Variants in RPS6KA2 observed in about 807,000 individuals in gnomAD.
The protein encoded by RPS6KA2 is ribosomal protein S6 kinase A2.
A neutral mutation model predicts 91.8 loss-of-function variants in RPS6KA2; 42 were observed. The observed-to-expected ratio is 0.46, with a 90% CI of 0.36 to 0.59. RPS6KA2 has a LOEUF of 0.59. Among genes scored for constraint, RPS6KA2 ranks in the 20% least tolerant of loss-of-function variants. RPS6KA2 has a pLI of 0.00. For synonymous variants in RPS6KA2, 414 were observed against 393.6 expected, an observed-to-expected ratio of 1.05 and a Z score of -0.61; for missense variants, 798 against 978.5, an observed-to-expected ratio of 0.82 and a Z score of 2.46.
intron 2 of RPS6KA2, among the ~76,000 whole-genome samples, chr6:166,690,591 G>C (rs1303229745): frequency 6.6e-6 from 1 of 152,148 alleles, no homozygotes; most frequent in Non-Finnish European, 1.5e-5. Context: ...CTGACACCTC[G>C]ATGCAGCTCC....
At chr6:166,468,856 T>TG (rs567161437) in intron 11 of RPS6KA2, among the ~76,000 whole-genome samples, 2 of 112,184 alleles carry the variant, frequency 1.8e-5, no homozygotes, top group African/African-American at 7.7e-5. Flanking sequence ...AGAGCGAGAC[T>TG]AAAAAAAAAA....
intron 2 of RPS6KA2, among the ~76,000 whole-genome samples, chr6:166,656,382 G>C (rs906530440): frequency 6.6e-6 from 1 of 152,186 alleles, no homozygotes; most frequent in African/African-American, 2.4e-5. Context: ...CAACCCAAAG[G>C]CGTCTTCCTC....
In RPS6KA2 at chr6:166,425,699, CAAAG is replaced by C. The variant is rs374711346; in HGVS notation, c.1582-2286_1582-2283del. ...TTAAACCAACAAAGATCAAAAGAGACAAAGAAGGCCATTACATAATGGTAAAGGG... is the reference window on the plus strand; with the variant it reads ...TTAAACCAACAAAGATCAAAAGAGACAAGGCCATTACATAATGGTAAAGGG... On this transcript the variant is annotated intron_variant, in intron 16 of 20. Coordinates refer to ENST00000265678, the MANE Select transcript of RPS6KA2 (RefSeq NM_021135.6). 7.9e-3 allele frequency among the ~76,000 whole-genome samples: 1,202 copies of C among 151,826 alleles called. 13 individuals carry two copies. The highest frequency in any genetic ancestry group is 0.028 in the African/African-American group (1,158 of 41,376).
At chr6:166,810,528 TA>T (rs554277610) in intron 2 of RPS6KA2, among the ~76,000 whole-genome samples, 5 of 151,150 alleles carry the variant, frequency 3.3e-5, no homozygotes, top group Non-Finnish European at 7.4e-5. Flanking sequence ...CACTTGAGGC[TA>T]AAAAAAAAGT....
At position 166,662,025 on chromosome 6, in the gene RPS6KA2, G is replaced by A. The variant is rs1236486264; in HGVS notation, c.124-123241C>T. On this transcript the variant is annotated intron_variant, in intron 2 of 21. Transcript: ENST00000503859. The surrounding 1 kb of genome is among the most constrained non-coding windows in gnomAD (Gnocchi z 4.3). ...TTCCTCGTTAACACAAATTCTTAAC[G>A]GGACTAGTGAGAATCCCTGCTTTGT... Among the ~76,000 whole-genome samples, 7 of 152,256 alleles carry A rather than the reference G, an allele frequency of 4.6e-5. 1 individual carries two copies. The highest frequency in any genetic ancestry group is 3.3e-4 in the Admixed American group (5 of 15,306).
chr6:166,697,600 C>A (rs1353080736), intron 2 of RPS6KA2, among the ~76,000 whole-genome samples: 2 of 152,180 alleles, frequency 1.3e-5, no homozygotes, highest in Non-Finnish European at 2.9e-5. Flanking sequence ...GATGGTAGAG[C>A]GAGAAGATGG....
rs1778242893 is a variant in RPS6KA2, at chr6:166,409,830, A to T, written c.*2932T>A. 2 of 152,642 alleles carry T rather than the reference A, an allele frequency of 1.3e-5. No individual in the cohort carries two copies. The highest frequency in any genetic ancestry group is 1.5e-5 in the Non-Finnish European group (1 of 68,048). The allele number at this position is 152,642 out of a possible 1,614,324, so 9.5% of individuals were successfully genotyped here. ...ATCCCAAGTGCAGCTTTAGGATAAC[A>T]CCATTTAATGAACAATACTGGATAA... On this transcript the variant is annotated 3_prime_UTR_variant, in exon 21 of 21. Transcript: ENST00000265678.
At chr6:166,601,615 G>A (rs1435349856) in intron 1 of RPS6KA2, among the ~76,000 whole-genome samples, 1 of 152,194 alleles carries the variant, frequency 6.6e-6, no homozygotes, top group African/African-American at 2.4e-5. Context: ...ATAGGGAATT[G>A]TGTGAATTCA....
intron 1 of RPS6KA2, among the ~76,000 whole-genome samples, chr6:166,564,681 G>A (rs762811422): frequency 6.6e-5 from 10 of 152,152 alleles, no homozygotes; most frequent in Non-Finnish European, 1.0e-4. Context: ...TCATTCAGAC[G>A]CTGTAAAAAC....
chr6:166,602,452 A>C (rs1785778208), intron 1 of RPS6KA2, among the ~76,000 whole-genome samples: 1 of 152,202 alleles, frequency 6.6e-6, no homozygotes, highest in Non-Finnish European at 1.5e-5. Context: ...GAAACACCAG[A>C]AGGAAACAAC....
chr6:166,504,369 C>T (rs1037488412), intron 6 of RPS6KA2, 137 bp downstream of exon 6: 4 of 572,836 alleles, frequency 7.0e-6, no homozygotes, highest in African/African-American at 5.8e-5. Flanking sequence ...CCTGCCGGCA[C>T]AAGAGTCTCC....
intron 1 of RPS6KA2, among the ~76,000 whole-genome samples, chr6:166,545,565 T>G (rs374982054): frequency 2.7e-4 from 41 of 152,134 alleles, no homozygotes; most frequent in African/African-American, 8.9e-4. Flanking sequence ...GGCATTTCTC[T>G]CCTTTTTTTT....
intron 1 of RPS6KA2, among the ~76,000 whole-genome samples, chr6:166,561,466 G>A (rs964031417): frequency 2.6e-5 from 4 of 151,808 alleles, no homozygotes; most frequent in Non-Finnish European, 4.4e-5. Context: ...ATGGTTCATC[G>A]TTGACTGCTG....
rs1780678446 is a variant in RPS6KA2 at position 166,849,328 on chromosome 6, C to T, written c.123+8872G>A. ...AGCACTCCCTGTCACCCTATTTCTG[C>T]ACAGTACTTACCCCCGTGTGAAACC... On this transcript the variant is annotated intron_variant, in intron 2 of 21. Transcript: ENST00000503859. The surrounding 1 kb of genome is among the most constrained non-coding windows in gnomAD (Gnocchi z 4.9). Among the ~76,000 whole-genome samples the T allele has an allele frequency of 6.6e-6, 1 of 152,190 alleles. No individual in the cohort carries two copies.
Position 166,411,200 on chromosome 6 carries a change from G to A in RPS6KA2, c.*1562C>T, listed in dbSNP as rs536827823. On this transcript the variant is annotated 3_prime_UTR_variant, in exon 21 of 21. Transcript: ENST00000265678. This position sits in a 1 kb window ranked among gnomAD's most constrained non-coding sequence, Gnocchi z 4.5. Reference sequence around the variant, plus strand: ...AAGCTAAGGAGTTATTTTTCAGAACGCAGCACATTTTTTCTTTATTTTTTT... The same window carrying A: ...AAGCTAAGGAGTTATTTTTCAGAACACAGCACATTTTTTCTTTATTTTTTT... 4.2e-4 allele frequency: 63 copies of A among 151,706 alleles called. 1 individual carries two copies. The highest frequency in any genetic ancestry group is 1.5e-3 in the African/African-American group (60 of 41,142). 9.4% of individuals were successfully genotyped at this position (151,706 alleles called of 1,614,324 possible). A position where few individuals can be genotyped will look rare whatever the true frequency, so the allele number is the denominator to read the frequency against.
At chr6:166,440,340 G>A (rs1219028724) in intron 14 of RPS6KA2, 1 of 152,190 alleles carries the variant, frequency 6.6e-6, no homozygotes, top group Non-Finnish European at 1.5e-5. Flanking sequence ...TGCCTGCTGG[G>A]AGGGGCTGAG....
At chr6:166,595,112 C>A (rs994617238) in intron 1 of RPS6KA2, among the ~76,000 whole-genome samples, 2 of 151,686 alleles carry the variant, frequency 1.3e-5, no homozygotes, top group African/African-American at 4.9e-5. Context: ...AGTGTGATGG[C>A]AGGATCTCAG....
intron 2 of RPS6KA2, among the ~76,000 whole-genome samples, chr6:166,670,538 G>C (rs1417481905): frequency 1.3e-5 from 2 of 152,186 alleles, no homozygotes; most frequent in Admixed American, 6.5e-5. Context: ...ATTTCATTCT[G>C]AGTAACATGA....
intron 2 of RPS6KA2, among the ~76,000 whole-genome samples, chr6:166,762,894 A>G (rs1347756632): frequency 1.3e-5 from 2 of 152,242 alleles, no homozygotes; most frequent in African/African-American, 4.8e-5. Flanking sequence ...CCGTAGGTCA[A>G]AGAAACGGTT....
Sources: gnomAD v4.1 joint callset for allele counts (sites outside exome capture counted in the v4.1 genomes callset) on GRCh38, gnomAD v4.1.1 for gene constraint, Gnocchi (gnomAD v3.1) non-coding constraint, MANE v1.5 for transcripts, NCBI Gene and HGNC (gene_info 2026-07-23, HGNC 2026-07-21) for gene names.